Variants in ANKS1A observed in about 807,000 individuals in gnomAD.
ANKS1A encodes the protein ankyrin repeat and SAM domain-containing protein 1A.
Under a neutral mutation model 120.3 loss-of-function variants are expected in ANKS1A, and 55 were observed. That is an observed-to-expected ratio of 0.46 (90% CI 0.37 to 0.57). The LOEUF is 0.57. Ranked by LOEUF, ANKS1A falls within the 20% of genes least tolerant of loss-of-function variation. ANKS1A has a pLI of 0.00. For synonymous variants in ANKS1A, 590 were observed against 604.7 expected, an observed-to-expected ratio of 0.98 and a Z score of 0.36; for missense variants, 1,123 against 1,480.3, an observed-to-expected ratio of 0.76 and a Z score of 3.96.
rs1772385492 is a variant in ANKS1A, at chr6:34,989,262, T to G, written c.1248T>G (p.Asp416Glu). The change falls in exon 9 of 24, where the codon GAT (aspartate) becomes GAG (glutamate). Residue 416 changes from aspartate to glutamate, a missense_variant. By Grantham distance (45) the Asp-to-Glu change is conservative. This residue lies in a region of ANKS1A where 904 missense variants were observed against 1,130.4 expected (regional missense o/e 0.80). Transcript: ENST00000360359. ...RPPPPAKPPP[D>E]EEEEDHIDKK... ...CACCTCCAGCAAAGCCACCGCCCGA[T>G]GAAGAGGAAGAAGACCACATAGATA... 6.2e-7 allele frequency: 1 copy of G among 1,614,074 alleles called. No individual in the cohort carries two copies. Among genetic ancestry groups the G allele is most frequent in the African/African-American group, 1.3e-5 (1 of 75,056 alleles).
chr6:34,972,495 G>A, intron 3 of ANKS1A: 3 of 605,950 alleles, frequency 5.0e-6, no homozygotes, highest in Non-Finnish European at 6.2e-6. Context: ...AGTTGTTCTA[G>A]GGTTGGGTTC....
the ANKS1A span, among the ~76,000 whole-genome samples, chr6:35,097,659 C>G: frequency 9.1e-6 from 1 of 110,394 alleles, no homozygotes; most frequent in Non-Finnish European, 1.9e-5. Flanking sequence ...AAAAAAAAAA[C>G]ACATACACAC....
chr6:34,894,009 G>A (rs1032345789), intron 1 of ANKS1A, among the ~76,000 whole-genome samples: 5 of 152,162 alleles, frequency 3.3e-5, no homozygotes, highest in Admixed American at 3.3e-4. Context: ...TATCTAGAAA[G>A]CACAGTTATC....
At chr6:34,981,047 G>T (rs564037006) in intron 3 of ANKS1A, among the ~76,000 whole-genome samples, 34 of 152,262 alleles carry the variant, frequency 2.2e-4, no homozygotes, top group Middle Eastern at 6.8e-3. Flanking sequence ...CTTGGTGCAG[G>T]CTCCTGGGGT....
At chr6:34,918,586 AG>A (rs1425974271) in intron 1 of ANKS1A, among the ~76,000 whole-genome samples, 4 of 152,164 alleles carry the variant, frequency 2.6e-5, no homozygotes, top group African/African-American at 9.7e-5. Context: ...GAAGAAAAGA[AG>A]GCAGCAGAAG....
At chr6:34,965,250 G>A (rs999036288) in intron 1 of ANKS1A, among the ~76,000 whole-genome samples, 2 of 151,510 alleles carry the variant, frequency 1.3e-5, no homozygotes, top group Non-Finnish European at 2.9e-5. Context: ...ATCTTTTTTT[G>A]TCTTATTACA....
chr6:34,970,270 T>G, intron 3 of ANKS1A, 104 bp downstream of exon 3: 83 of 1,288,578 alleles, frequency 6.4e-5, no homozygotes, highest in Non-Finnish European at 7.8e-5. Context: ...GAACCAGCTC[T>G]TCCTTTTCTT....
chr6:35,071,511 G>A (rs888256613), intron 13 of ANKS1A, among the ~76,000 whole-genome samples: 2 of 152,136 alleles, frequency 1.3e-5, no homozygotes, highest in African/African-American at 4.8e-5. Flanking sequence ...ACAGGGAGGA[G>A]GGTGTAATGA....
At position 34,985,188 on chromosome 6, in the gene ANKS1A, G is replaced by A; in HGVS notation, c.1119G>A (p.Leu373=). The A allele has an allele frequency of 6.2e-7, 1 of 1,614,194 alleles. No individual in the cohort carries two copies. The highest frequency in any genetic ancestry group is 1.1e-5 in the South Asian group (1 of 91,088). Residue 373 remains leucine (L), a synonymous_variant, in exon 8 of 24, where the codon TTG becomes TTA. Transcript: ENST00000360359. ...ALYNAISCHS[L]DSMASGRSSD... is the part of the protein sequence containing the mutation. ...ATAATGCCATCTCCTGCCATTCGTT[G>A]GACAGCATGGCCAGCGGGCGATCAT...
chr6:34,893,599 G>T (rs549334043), intron 1 of ANKS1A, among the ~76,000 whole-genome samples: 202 of 152,330 alleles, frequency 1.3e-3, no homozygotes, highest in African/African-American at 4.6e-3. Context: ...TGCAAAATAT[G>T]TCTGAGACCT....
intron 11 of ANKS1A, among the ~76,000 whole-genome samples, chr6:35,033,378 T>C (rs1268222960): frequency 1.3e-5 from 2 of 152,178 alleles, no homozygotes; most frequent in African/African-American, 4.8e-5. Context: ...AGGCACTTAA[T>C]AGAGCAGAGA....
intron 1 of ANKS1A, among the ~76,000 whole-genome samples, chr6:34,948,151 GTT>G (rs398065697): frequency 6.9e-4 from 93 of 134,828 alleles, no homozygotes; most frequent in African/African-American, 2.2e-3. Context: ...TCATTTAGGT[GTT>G]TTTTTTTTTT....
rs1778218483 is a variant in ANKS1A at position 35,090,125 on chromosome 6, G to A, written c.*1516G>A. ...AAGCACCCAGCAGGTTGGGGCCTGG[G>A]ACTCAGCTCTCTCTGCGGTAGAGGC... On this transcript the variant is annotated 3_prime_UTR_variant, in exon 24 of 24. Coordinates refer to ENST00000360359, the MANE Select transcript of ANKS1A (RefSeq NM_015245.3). 2 of 1,289,414 alleles carry A rather than the reference G, an allele frequency of 1.6e-6. No individual in the cohort carries two copies. Among genetic ancestry groups the A allele is most frequent in the Middle Eastern group, 2.1e-4 (1 of 4,694 alleles). 79.9% of individuals were successfully genotyped at this position (1,289,414 alleles called of 1,614,324 possible).
chr6:34,947,426 C>T (rs189826033), intron 1 of ANKS1A, among the ~76,000 whole-genome samples: 8 of 152,080 alleles, frequency 5.3e-5, no homozygotes, highest in Non-Finnish European at 1.0e-4. Flanking sequence ...GAATTACAGA[C>T]GTGAGCCACC....
At position 35,036,838 on chromosome 6, in the gene ANKS1A, T is replaced by C. The variant is rs1056968364; in HGVS notation, c.2011-17261T>C. ...AGCAGCATCACCCGTCCCTAGGAAC[T>C]TTCTAGAAATGCAAATTCTTCCCTC... On this transcript the variant is annotated intron_variant, in intron 11 of 23. Coordinates refer to ENST00000360359, the MANE Select transcript of ANKS1A (RefSeq NM_015245.3). Among the ~76,000 whole-genome samples the C allele has an allele frequency of 3.3e-5, 5 of 152,236 alleles. No homozygotes were observed. In the East Asian group the frequency reaches 9.6e-4, roughly 29 times the overall value.
At chr6:34,918,871 A>C (rs1001570031) in intron 1 of ANKS1A, among the ~76,000 whole-genome samples, 6 of 152,056 alleles carry the variant, frequency 3.9e-5, no homozygotes, top group Admixed American at 1.3e-4. Flanking sequence ...TTTTTTATTG[A>C]GACAGGGTCT....
At position 35,060,016 on chromosome 6, in the gene ANKS1A, T is replaced by A; in HGVS notation, c.2078-131T>A. ...TGCGTGTCTGCTGCTCTCTGGTCTC[T>A]TGTATATAGTTTGGCTGTTTGATGG... On this transcript the variant is annotated intron_variant, in intron 12 of 23. Transcript: ENST00000360359. This position sits in a 1 kb window ranked among gnomAD's most constrained non-coding sequence, Gnocchi z 4.5. The A allele has an allele frequency of 1.5e-6, 1 of 678,130 alleles. No homozygotes were observed. Among genetic ancestry groups the A allele is most frequent in the Non-Finnish European group, 2.6e-6 (1 of 382,046 alleles). 42.0% of individuals were successfully genotyped at this position (678,130 alleles called of 1,614,324 possible).
intron 1 of ANKS1A, among the ~76,000 whole-genome samples, chr6:34,930,739 T>C (rs1184335347): frequency 6.6e-6 from 1 of 152,152 alleles, no homozygotes; most frequent in African/African-American, 2.4e-5. Context: ...CTAAGAAGTA[T>C]CAACTTGCCT....
intron 1 of ANKS1A, among the ~76,000 whole-genome samples, chr6:34,965,799 T>C (rs186162830): frequency 1.1e-4 from 16 of 151,694 alleles, no homozygotes; most frequent in South Asian, 1.0e-3. Context: ...CAGGCTGGAG[T>C]GCAGTGGTGT....
Sources: allele counts gnomAD v4.1 joint callset (sites outside exome capture counted in the v4.1 genomes callset), GRCh38; gene constraint gnomAD v4.1.1; regional missense constraint gnomAD v4.1.1; non-coding constraint Gnocchi (gnomAD v3.1); transcripts MANE v1.5; gene names NCBI Gene and HGNC (gene_info 2026-07-23, HGNC 2026-07-21).